ZNF644: variants seen among roughly 807,000 people sequenced by gnomAD.
ZNF644 encodes zinc finger protein 644, also known as zinc finger motif enhancer binding protein 2.
ZNF644 carries 20 observed loss-of-function variants against 108.0 expected under a neutral mutation model. The ratio of observed to expected loss-of-function variants is 0.19; its 90% CI spans 0.13 to 0.27. The LOEUF (loss-of-function observed/expected upper bound fraction) is 0.27. Ranked by LOEUF, ZNF644 falls within the 10% of genes least tolerant of loss-of-function variation. The pLI is 1.00. For missense variants in ZNF644, 1,338 were observed against 1,548.9 expected, an observed-to-expected ratio of 0.86 and a Z score of 2.29; for synonymous variants, 542 against 539.1, an observed-to-expected ratio of 1.01 and a Z score of -0.08.
chr1:90,973,043 T>G (rs189524368), intron 2 of ZNF644: 100 of 152,162 alleles, frequency 6.6e-4, no homozygotes, highest in African/African-American at 2.1e-3. Context: ...GAGTGCACAT[T>G]ATAAATGTAT....
intron 1 of ZNF644, among the ~76,000 whole-genome samples, chr1:90,988,281 C>T (rs536329680): frequency 6.6e-6 from 1 of 152,242 alleles, no homozygotes; most frequent in Non-Finnish European, 1.5e-5. Context: ...AAGAAATTAA[C>T]ACAATTCCAT....
chr1:90,918,643 G>A (rs891895745), intron 4 of ZNF644, among the ~76,000 whole-genome samples: 1 of 151,854 alleles, frequency 6.6e-6, no homozygotes, highest in African/African-American at 2.4e-5. Flanking sequence ...ACTTCGTAAG[G>A]GAATATGGAT....
intron 1 of ZNF644, among the ~76,000 whole-genome samples, chr1:90,999,848 C>A (rs1254000906): frequency 6.6e-6 from 1 of 152,010 alleles, no homozygotes; most frequent in Non-Finnish European, 1.5e-5. Flanking sequence ...AGAAGATCTA[C>A]CAAGCAAATG....
At chr1:91,015,232 T>C (rs1244103887) in intron 1 of ZNF644, among the ~76,000 whole-genome samples, 3 of 152,104 alleles carry the variant, frequency 2.0e-5, no homozygotes, top group Non-Finnish European at 4.4e-5. Context: ...TAGGAGGAGG[T>C]TGGTGGTAGA....
chr1:90,978,188 C>A (rs1656194665), intron 2 of ZNF644, among the ~76,000 whole-genome samples: 1 of 151,998 alleles, frequency 6.6e-6, no homozygotes, highest in South Asian at 2.1e-4. Context: ...CCCATCTCTA[C>A]TAAAAATACT....
chr1:90,992,865 G>A (rs1164441471), intron 1 of ZNF644, among the ~76,000 whole-genome samples: 1 of 151,980 alleles, frequency 6.6e-6, no homozygotes, highest in Non-Finnish European at 1.5e-5. Context: ...AGCAACACAA[G>A]GAGACTCTGC....
At chr1:91,021,780 C>T (rs892529783) in intron 1 of ZNF644, 61 of 378,246 alleles carry the variant, frequency 1.6e-4, no homozygotes, top group African/African-American at 1.2e-3. Context: ...TCCGCCTCCT[C>T]GGCCGCCGCC....
intron 1 of ZNF644, among the ~76,000 whole-genome samples, chr1:90,996,491 A>G (rs1457199271): frequency 6.6e-6 from 1 of 152,194 alleles, no homozygotes; most frequent in Non-Finnish European, 1.5e-5. Context: ...TTTGAAAATT[A>G]GCAGCCTGGG....
intron 2 of ZNF644, among the ~76,000 whole-genome samples, chr1:90,961,315 TTTAC>T (rs1409365002): frequency 1.3e-5 from 2 of 152,172 alleles, no homozygotes; most frequent in Non-Finnish European, 2.9e-5. Context: ...TCTAATCTAA[TTTAC>T]TTAATTTATT....
At chr1:90,960,830 G>A (rs1305790245) in intron 2 of ZNF644, among the ~76,000 whole-genome samples, 3 of 152,062 alleles carry the variant, frequency 2.0e-5, no homozygotes, top group Non-Finnish European at 4.4e-5. Flanking sequence ...ACATTGACAA[G>A]ACTAACAATT....
chr1:90,939,333 A>C lies in ZNF644; in HGVS notation c.2021T>G (p.Phe674Cys). 1 of 1,614,010 alleles carries C rather than the reference A, an allele frequency of 6.2e-7. No individual in the cohort carries two copies. Among genetic ancestry groups the C allele is most frequent in the Non-Finnish European group, 8.5e-7 (1 of 1,179,948 alleles). ...GTGTGGCCGCTTATGAATTTTTGAA[A>C]AACTACTTGATTGTGAGGTTGATCC... ...TFGSTSQSSSFSKIHKRPHRI... is the reference protein window; with the variant it reads ...TFGSTSQSSSCSKIHKRPHRI... The change falls in exon 3 of 6, where the codon TTT (phenylalanine) becomes TGT (cysteine). Residue 674 changes from phenylalanine (F) to cysteine (C), a missense_variant. Around this residue, in one of 6 missense-constraint regions of ZNF644, gnomAD observed 462 missense variants for 472.6 expected, o/e 0.98. Transcript: ENST00000337393.
At chr1:91,002,213 A>G (rs1226842071) in intron 1 of ZNF644, among the ~76,000 whole-genome samples, 2 of 152,216 alleles carry the variant, frequency 1.3e-5, no homozygotes, top group Non-Finnish European at 2.9e-5. Context: ...AAGAGCCCGC[A>G]TCGCCAAGTC....
intron 1 of ZNF644, among the ~76,000 whole-genome samples, chr1:91,015,075 C>T (rs1055885648): frequency 3.3e-5 from 5 of 152,264 alleles, no homozygotes; most frequent in African/African-American, 7.2e-5. Flanking sequence ...GACTTCCCCT[C>T]CCTCACTTTC....
chr1:91,008,763 A>C (rs1258403369), intron 1 of ZNF644, among the ~76,000 whole-genome samples: 1 of 152,210 alleles, frequency 6.6e-6, no homozygotes, highest in Non-Finnish European at 1.5e-5. Flanking sequence ...CCACATTCCC[A>C]AAAACCTCAC....
At chr1:91,015,819 C>G (rs980467038) in intron 1 of ZNF644, among the ~76,000 whole-genome samples, 1 of 152,098 alleles carries the variant, frequency 6.6e-6, no homozygotes, top group Non-Finnish European at 1.5e-5. Context: ...AGGTGAAAAT[C>G]TCAAGTTAAT....
At chr1:90,961,262 C>T (rs1654315465) in intron 2 of ZNF644, among the ~76,000 whole-genome samples, 1 of 152,050 alleles carries the variant, frequency 6.6e-6, no homozygotes, top group Non-Finnish European at 1.5e-5. Flanking sequence ...AGGTTTCTTG[C>T]ACTGTCTGCA....
At chr1:90,933,778 TGTAAG>T (rs1477294635) in intron 4 of ZNF644, among the ~76,000 whole-genome samples, 1 of 152,184 alleles carries the variant, frequency 6.6e-6, no homozygotes, top group South Asian at 2.1e-4. Flanking sequence ...AGACCGCCTG[TGTAAG>T]GTAGAGAATA....
chr1:90,951,987 A>G (rs1269640073), intron 2 of ZNF644, among the ~76,000 whole-genome samples: 2 of 152,168 alleles, frequency 1.3e-5, no homozygotes, highest in African/African-American at 4.8e-5. Flanking sequence ...AAGGCTACAC[A>G]GTCTTAGTTA....
Position 90,940,057 on chromosome 1 carries a change from A to T in ZNF644, c.1297T>A (p.Leu433Ile). The change falls in exon 3 of 6, where the codon TTA (leucine) becomes ATA (isoleucine). Residue 433 changes from leucine to isoleucine, a missense_variant. By Grantham distance (5) the Leu-to-Ile change is conservative (BLOSUM62 2). Transcript: ENST00000337393. Reference sequence around the variant, plus strand: ...TGGCGAAAGTGACTATTCCCATCTAAATGATACATCATATGCCTGTGGAGG... The same window carrying T: ...TGGCGAAAGTGACTATTCCCATCTATATGATACATCATATGCCTGTGGAGG... The part of the protein sequence containing the change: ...KHLHRHMMYH[L>I]DGNSHFRHLN... The T allele has an allele frequency of 6.2e-7, 1 of 1,614,086 alleles. No homozygotes were observed. Among genetic ancestry groups the T allele is most frequent in the Non-Finnish European group, 8.5e-7 (1 of 1,179,976 alleles).
Sources: allele counts gnomAD v4.1 joint callset (sites outside exome capture counted in the v4.1 genomes callset), GRCh38; gene constraint gnomAD v4.1.1; regional missense constraint gnomAD v4.1.1; transcripts MANE v1.5; gene names NCBI Gene and HGNC (gene_info 2026-07-23, HGNC 2026-07-21).